The following FOXN2 variants were observed in gnomAD, a reference collection of about 807,000 sequenced individuals.
FOXN2 encodes forkhead box protein N2.
A neutral mutation model predicts 41.2 loss-of-function variants in FOXN2; 19 were observed. The ratio of observed to expected loss-of-function variants is 0.46; its 90% CI spans 0.32 to 0.68. The LOEUF (loss-of-function observed/expected upper bound fraction) is 0.68. FOXN2 is among the 30% of genes least tolerant of loss of function. The pLI is 0.03. For missense variants in FOXN2, 587 were observed against 509.4 expected (o/e 1.15, Z -1.47); for synonymous variants, 195 against 176.8 (o/e 1.10, Z -0.82).
At chr2:48,326,148 CCTT>C (rs769843722) in intron 1 of FOXN2, among the ~76,000 whole-genome samples, 6 of 152,162 alleles carry the variant, frequency 3.9e-5, no homozygotes, top group Non-Finnish European at 5.9e-5. Flanking sequence ...CCGTGCCCGG[CCTT>C]CTTCTCCCAA....
At chr2:48,367,742 AG>A (rs1434924144) in intron 5 of FOXN2, among the ~76,000 whole-genome samples, 4 of 152,256 alleles carry the variant, frequency 2.6e-5, no homozygotes, top group African/African-American at 9.6e-5. Flanking sequence ...GGCTAAAACT[AG>A]TGTCTGAATT....
intron 2 of FOXN2, among the ~76,000 whole-genome samples, chr2:48,342,314 G>T (rs1440238964): frequency 3.3e-5 from 5 of 152,040 alleles, no homozygotes; most frequent in African/African-American, 4.8e-5. Context: ...TATAGAAAAT[G>T]TAAGTTGTTT....
chr2:48,317,083 AT>A (rs1479956117), intron 1 of FOXN2, among the ~76,000 whole-genome samples: 1 of 152,146 alleles, frequency 6.6e-6, no homozygotes, highest in Non-Finnish European at 1.5e-5. Flanking sequence ...TAAAATACTT[AT>A]ATAAGGCTAA....
intron 2 of FOXN2, among the ~76,000 whole-genome samples, chr2:48,329,571 T>G (rs1016096130): frequency 2.6e-5 from 4 of 152,160 alleles, no homozygotes; most frequent in Non-Finnish European, 5.9e-5. Flanking sequence ...ATGGATCACA[T>G]GCTGTGTCAC....
In FOXN2 at chr2:48,375,588, A is replaced by T; in HGVS notation, c.*145A>T. ...ACATTTTTGGTTTTTGGTTTTTAAA[A>T]TTTTTATTAAACAATTGCTGTTAGG... On this transcript the variant is annotated 3_prime_UTR_variant, in exon 7 of 7. Coordinates refer to ENST00000340553, the MANE Select transcript of FOXN2 (RefSeq NM_002158.4). The T allele has an allele frequency of 1.3e-6, 1 of 782,798 alleles. No individual in the cohort carries two copies. The highest frequency in any genetic ancestry group is 2.0e-6 in the Non-Finnish European group (1 of 508,452). 48.5% of individuals were successfully genotyped at this position (782,798 alleles called of 1,614,324 possible).
At chr2:48,324,685 T>C (rs1008777279) in intron 1 of FOXN2, among the ~76,000 whole-genome samples, 1 of 152,222 alleles carries the variant, frequency 6.6e-6, no homozygotes, top group Non-Finnish European at 1.5e-5. Context: ...GAGTCCATTG[T>C]TTTCTATTTT....
At chr2:48,336,418 A>AAAATAT (rs535900555) in intron 2 of FOXN2, among the ~76,000 whole-genome samples, 7 of 147,364 alleles carry the variant, frequency 4.8e-5, no homozygotes, top group African/African-American at 1.3e-4. Flanking sequence ...CAAAAAAAAA[A>AAAATAT]ATATATATAT....
chr2:48,320,514 C>A (rs1054022283), intron 1 of FOXN2, among the ~76,000 whole-genome samples: 1 of 151,910 alleles, frequency 6.6e-6, no homozygotes, highest in South Asian at 2.1e-4. Context: ...TGGTCTTGAA[C>A]CCTGACCTCA....
At position 48,378,627 on chromosome 2, in the gene FOXN2, C is replaced by T. The variant is rs1367171269; in HGVS notation, c.*3184C>T. The T allele has an allele frequency of 6.6e-6, 1 of 151,926 alleles. No homozygotes were observed. The highest frequency in any genetic ancestry group is 1.5e-5 in the Non-Finnish European group (1 of 67,876). 9.4% of individuals were successfully genotyped at this position (151,926 alleles called of 1,614,324 possible). ...TAACACCCTTTTGTGAAGATCACAG[C>T]ATTTATCTAAGAAACTGTGAGGCTT... On this transcript the variant is annotated 3_prime_UTR_variant, in exon 7 of 7. Coordinates refer to ENST00000340553, the MANE Select transcript of FOXN2 (RefSeq NM_002158.4).
intron 2 of FOXN2, among the ~76,000 whole-genome samples, chr2:48,334,120 G>A (rs1357341070): frequency 2.0e-5 from 3 of 151,972 alleles, no homozygotes; most frequent in East Asian, 1.9e-4. Flanking sequence ...CAAATAATAT[G>A]GATCTCTTTT....
rs557557131 is a variant in FOXN2 at position 48,369,276 on chromosome 2, G to A, written c.704-4016G>A. ...AAGTTAGGCCAGGCGGGGGTCTCAC[G>A]CCTGTAATCCCAGCACTTTGGGAGG... On this transcript the variant is annotated intron_variant, in intron 5 of 6. Coordinates refer to ENST00000340553, the MANE Select transcript of FOXN2 (RefSeq NM_002158.4). Among the ~76,000 whole-genome samples, 23 of 152,236 alleles carry A rather than the reference G, an allele frequency of 1.5e-4. 1 individual carries two copies. The highest frequency in any genetic ancestry group is 1.2e-3 in the South Asian group (6 of 4,816).
At chr2:48,316,574 T>G (rs1280930827) in intron 1 of FOXN2, among the ~76,000 whole-genome samples, 1 of 152,056 alleles carries the variant, frequency 6.6e-6, no homozygotes, top group Non-Finnish European at 1.5e-5. Flanking sequence ...TTTGTAAAGC[T>G]TTTTTTGAAA....
In FOXN2 at chr2:48,368,656, C is replaced by T. The variant is rs533124346; in HGVS notation, c.704-4636C>T. Among the ~76,000 whole-genome samples the T allele has an allele frequency of 2.4e-4, 36 of 152,320 alleles. 1 individual carries two copies. The South Asian group carries it at 7.5e-3, about 32-fold the overall frequency. ...GCAGTGAGCCATGATTGCACCATTG[C>T]ACTCCAGCTTGGACAACGGAGTGAG... On this transcript the variant is annotated intron_variant, in intron 5 of 6. Coordinates refer to ENST00000340553, the MANE Select transcript of FOXN2 (RefSeq NM_002158.4).
chr2:48,375,256 A>T lies in FOXN2; in HGVS notation c.1109A>T (p.Gln370Leu), dbSNP rs577804315. The change falls in exon 7 of 7, where the codon CAG becomes CTG. Residue 370 changes from glutamine (Q) to leucine (L), a missense_variant. Transcript: ENST00000340553. ...CTTGGAGACAGTGGCTATGCATCAC[A>T]GCCTTGTGCAAAAATCTCTGAAAAA... ...DPLGDSGYASQPCAKISEKGQ... is the reference protein window; with the variant it reads ...DPLGDSGYASLPCAKISEKGQ... 35 of 1,614,100 alleles carry T rather than the reference A, an allele frequency of 2.2e-5. No homozygotes were observed. In the East Asian group the frequency reaches 4.9e-4, roughly 23 times the overall value.
rs1491441486 is a variant in FOXN2, at chr2:48,353,605, T to TGTGA, written c.538-5441_538-5440insTGAG. Among the ~76,000 whole-genome samples the TGTGA allele has an allele frequency of 2.0e-3, 238 of 119,282 alleles. 2 individuals are homozygous for TGTGA. The highest frequency in any genetic ancestry group is 6.9e-3 in the African/African-American group (228 of 32,842). The allele number at this position is 119,282 out of a possible 152,430, so 78.3% of individuals were successfully genotyped here. On this transcript the variant is annotated intron_variant, in intron 3 of 6. Transcript: ENST00000340553. ...GTGTGTGTGTGTGTGTGTGTGTGTG[T>TGTGA]GAAAGAGAAAGGGGGGAGTGATATT... is the stretch of plus-strand genomic sequence containing the variant.
intron 3 of FOXN2, among the ~76,000 whole-genome samples, chr2:48,350,588 A>G (rs529512562): frequency 2.0e-5 from 3 of 152,310 alleles, no homozygotes; most frequent in African/African-American, 7.2e-5. Context: ...CTACACCACT[A>G]TCTGATCTTC....
At position 48,346,543 on chromosome 2, in the gene FOXN2, C is replaced by T. The variant is rs1671114048; in HGVS notation, c.329C>T (p.Thr110Ile). 1.9e-6 allele frequency: 3 copies of T among 1,613,408 alleles called. No homozygotes were observed. The highest frequency in any genetic ancestry group is 2.7e-5 in the African/African-American group (2 of 74,832). Residue 110 changes from threonine (T) to isoleucine (I), a missense_variant, in exon 3 of 7, where the codon ACT (threonine) becomes ATT (isoleucine). Coordinates refer to ENST00000340553, the MANE Select transcript of FOXN2 (RefSeq NM_002158.4). ...CYQNPEKKSA[T>I]SKPPYSFSLL... ...CAGAACCCAGAAAAAAAATCAGCGA[C>T]TTCAAAGCCCCCATACTCCTTTAGT...
chr2:48,348,070 C>T (rs1038745858), intron 3 of FOXN2, among the ~76,000 whole-genome samples: 1 of 151,818 alleles, frequency 6.6e-6, no homozygotes, highest in Non-Finnish European at 1.5e-5. Flanking sequence ...TTTGGGTTCT[C>T]AGTGGTTCTT....
At chr2:48,318,485 C>G (rs1482899106) in intron 1 of FOXN2, among the ~76,000 whole-genome samples, 1 of 152,148 alleles carries the variant, frequency 6.6e-6, no homozygotes, top group Non-Finnish European at 1.5e-5. Flanking sequence ...AAACTAACGA[C>G]ATGATAAAAC....
Sources: gnomAD v4.1 joint callset for allele counts (sites outside exome capture counted in the v4.1 genomes callset) on GRCh38, gnomAD v4.1.1 for gene constraint, MANE v1.5 for transcripts, NCBI Gene and HGNC (gene_info 2026-07-23, HGNC 2026-07-21) for gene names.